Variants in GNAQ observed in about 807,000 individuals in gnomAD.
GNAQ encodes the protein guanine nucleotide-binding protein G(q) subunit alpha.
In GNAQ, 8 loss-of-function variants were observed where a neutral mutation model predicts 43.9. The observed-to-expected ratio is 0.18, with a 90% CI of 0.11 to 0.33. The LOEUF is 0.33. GNAQ is among the 10% of genes least tolerant of loss of function. The pLI is 1.00. For synonymous variants in GNAQ, 155 were observed against 170.7 expected (o/e 0.91, Z 0.71); for missense variants, 158 against 450.8 (o/e 0.35, Z 5.88).
At chr9:77,775,232 C>T (rs531340787) in intron 5 of GNAQ, among the ~76,000 whole-genome samples, 2 of 152,214 alleles carry the variant, frequency 1.3e-5, no homozygotes, top group South Asian at 4.2e-4. Context: ...GCAATGTTGT[C>T]TTTGGGACAT....
intron 2 of GNAQ, among the ~76,000 whole-genome samples, chr9:77,834,279 C>A (rs1013343127): frequency 1.3e-5 from 2 of 152,154 alleles, no homozygotes; most frequent in Non-Finnish European, 2.9e-5. Flanking sequence ...AGTTTACAAC[C>A]ATTTTCAAGA....
chr9:77,916,951 C>T (rs1007427932), intron 2 of GNAQ, among the ~76,000 whole-genome samples: 1 of 152,180 alleles, frequency 6.6e-6, no homozygotes, highest in African/African-American at 2.4e-5. Flanking sequence ...CCTTATTTCA[C>T]AGTTCATAGA....
At chr9:77,966,996 C>G (rs1174023407) in intron 1 of GNAQ, among the ~76,000 whole-genome samples, 1 of 152,230 alleles carries the variant, frequency 6.6e-6, no homozygotes, top group Non-Finnish European at 1.5e-5. Context: ...AACCCCTCTT[C>G]ACAGTCTTTC....
chr9:77,849,440 G>C (rs111587460), intron 2 of GNAQ, among the ~76,000 whole-genome samples: 1 of 152,056 alleles, frequency 6.6e-6, no homozygotes, highest in Non-Finnish European at 1.5e-5. Flanking sequence ...GAGCCATGTG[G>C]GGTCTACAAC....
intron 2 of GNAQ, among the ~76,000 whole-genome samples, chr9:77,883,109 C>T (rs1028369376): frequency 6.6e-5 from 10 of 152,158 alleles, no homozygotes; most frequent in East Asian, 1.9e-4. Flanking sequence ...GTTTAAGTTA[C>T]GGGGAAAAAC....
chr9:77,864,402 T>C (rs1267455636), intron 2 of GNAQ, among the ~76,000 whole-genome samples: 1 of 152,054 alleles, frequency 6.6e-6, no homozygotes, highest in Non-Finnish European at 1.5e-5. Context: ...AAAGGGAAGG[T>C]TGCAGATGAA....
At chr9:77,743,294 A>C (rs776084017) in intron 5 of GNAQ, among the ~76,000 whole-genome samples, 13 of 152,040 alleles carry the variant, frequency 8.6e-5, no homozygotes, top group Non-Finnish European at 1.8e-4. Flanking sequence ...AACAAAAAAA[A>C]CAAACAACAT....
chr9:77,988,374 C>T (rs779085226), intron 1 of GNAQ, among the ~76,000 whole-genome samples: 1 of 152,234 alleles, frequency 6.6e-6, no homozygotes, highest in Non-Finnish European at 1.5e-5. Context: ...GGAAATAGTA[C>T]AGGTTGGGTC....
intron 2 of GNAQ, among the ~76,000 whole-genome samples, chr9:77,913,721 C>G (rs878990829): frequency 3.9e-5 from 6 of 152,094 alleles, no homozygotes; most frequent in African/African-American, 1.4e-4. Flanking sequence ...TACCAGAAGT[C>G]AGGATAGTGG....
chr9:78,030,373 G>A (rs1448823878), intron 1 of GNAQ: 7 of 378,512 alleles, frequency 1.8e-5, no homozygotes, highest in African/African-American at 8.4e-5. Flanking sequence ...ACCATCCACT[G>A]GCCAACTCTT....
intron 2 of GNAQ, among the ~76,000 whole-genome samples, chr9:77,825,897 C>A (rs1033003350): frequency 6.6e-6 from 1 of 151,996 alleles, no homozygotes; most frequent in Non-Finnish European, 1.5e-5. Flanking sequence ...ATATAAGAGG[C>A]CTAAATGTGA....
At chr9:78,030,640 C>T (rs1031976501) in intron 1 of GNAQ, 31 of 434,588 alleles carry the variant, frequency 7.1e-5, no homozygotes, top group African/African-American at 6.3e-4. Flanking sequence ...CAACGTGCCC[C>T]GGCTCCGCTC....
At chr9:77,983,765 CAGG>C (rs1305328061) in intron 1 of GNAQ, among the ~76,000 whole-genome samples, 3 of 151,940 alleles carry the variant, frequency 2.0e-5, no homozygotes, top group Non-Finnish European at 4.4e-5. Context: ...GCATCACCAG[CAGG>C]AGAATTTAGT....
chr9:77,855,732 C>G (rs1200313013), intron 2 of GNAQ, among the ~76,000 whole-genome samples: 2 of 151,708 alleles, frequency 1.3e-5, no homozygotes, highest in Non-Finnish European at 2.9e-5. Context: ...GTTTCACTAC[C>G]TACCAATAAA....
chr9:77,937,588 C>A (rs1451978558), intron 1 of GNAQ, among the ~76,000 whole-genome samples: 1 of 152,006 alleles, frequency 6.6e-6, no homozygotes, highest in Non-Finnish European at 1.5e-5. Context: ...CTACTCAAAA[C>A]ATCACACTAC....
intron 1 of GNAQ, among the ~76,000 whole-genome samples, chr9:78,026,760 G>C (rs1823985349): frequency 6.6e-6 from 1 of 152,180 alleles, no homozygotes; most frequent in Non-Finnish European, 1.5e-5. Flanking sequence ...ATTGGCTACA[G>C]CACTTCCAGC....
intron 1 of GNAQ, among the ~76,000 whole-genome samples, chr9:78,003,463 G>A (rs942191100): frequency 3.3e-5 from 5 of 152,112 alleles, no homozygotes; most frequent in East Asian, 1.9e-4. Flanking sequence ...CAGAGATGAC[G>A]AACCAGGAAG....
chr9:77,879,631 T>C (rs1272245181), intron 2 of GNAQ, among the ~76,000 whole-genome samples: 3 of 152,246 alleles, frequency 2.0e-5, no homozygotes, highest in African/African-American at 4.8e-5. Flanking sequence ...TTTTGTTGAT[T>C]ACTTTCTTGG....
intron 5 of GNAQ, among the ~76,000 whole-genome samples, chr9:77,790,345 C>G (rs1034315042): frequency 9.2e-5 from 14 of 152,210 alleles, no homozygotes; most frequent in African/African-American, 2.9e-4. Flanking sequence ...CAAAAGCTCA[C>G]TCAACAATTT....
Sources: gnomAD v4.1 joint callset for allele counts (sites outside exome capture counted in the v4.1 genomes callset) on GRCh38, gnomAD v4.1.1 for gene constraint, MANE v1.5 for transcripts, NCBI Gene and HGNC (gene_info 2026-07-23, HGNC 2026-07-21) for gene names.